The following SPMIP3 variants were observed in gnomAD, a reference collection of about 807,000 sequenced individuals.
The protein encoded by SPMIP3 is sperm microtubule inner protein 3, also known as protein SPMIP3.
At chr1:244,355,007 G>A in the SPMIP3 span, among the ~76,000 whole-genome samples, 4 of 152,172 alleles carry the variant, frequency 2.6e-5, no homozygotes, top group African/African-American at 4.8e-5. Flanking sequence ...GCGAAATCAC[G>A]TGTCTTTTGC....
chr1:244,369,319 T>G, the SPMIP3 span, among the ~76,000 whole-genome samples: 2 of 152,342 alleles, frequency 1.3e-5, no homozygotes, highest in East Asian at 3.9e-4. Context: ...CAGTGTGTTG[T>G]AGAAGATCGA....
chr1:244,353,314 G>A, the SPMIP3 span, among the ~76,000 whole-genome samples: 3 of 152,166 alleles, frequency 2.0e-5, no homozygotes, highest in African/African-American at 7.2e-5. Context: ...GGAGGCCGAG[G>A]TGGGAGAATC....
the SPMIP3 span, among the ~76,000 whole-genome samples, chr1:244,381,135 C>G: frequency 6.6e-6 from 1 of 151,560 alleles, no homozygotes; most frequent in Non-Finnish European, 1.5e-5. Context: ...TAGCTTGACA[C>G]GGGTTAGGGC....
chr1:244,358,122 C>A, the SPMIP3 span, among the ~76,000 whole-genome samples: 2 of 151,786 alleles, frequency 1.3e-5, no homozygotes, highest in Non-Finnish European at 2.9e-5. Flanking sequence ...CCCAGCTGCT[C>A]GGGAGGCTAA....
At chr1:244,360,554 ACACATGCATG>A in the SPMIP3 span, among the ~76,000 whole-genome samples, 23,562 of 69,856 alleles carry the variant, frequency 0.34, 2,865 homozygotes, top group Admixed American at 0.48. Context: ...ACACACACAC[ACACATGCATG>A]CATGGAATAT....
the SPMIP3 span, among the ~76,000 whole-genome samples, chr1:244,388,176 G>A: frequency 2.0e-5 from 3 of 151,856 alleles, no homozygotes; most frequent in Non-Finnish European, 2.9e-5. Flanking sequence ...TGATCCACCC[G>A]CCTCGGCCTC....
the SPMIP3 span, among the ~76,000 whole-genome samples, chr1:244,370,150 G>T: frequency 6.6e-6 from 1 of 152,170 alleles, no homozygotes; most frequent in East Asian, 1.9e-4. Flanking sequence ...TCCATCTCCT[G>T]TATCAATACC....
chr1:244,388,633 T>C, the SPMIP3 span, among the ~76,000 whole-genome samples: 1 of 152,168 alleles, frequency 6.6e-6, no homozygotes, highest in African/African-American at 2.4e-5. Flanking sequence ...TGAGTACAAT[T>C]TGATACAAAA....
chr1:244,383,743 C>T, the SPMIP3 span, among the ~76,000 whole-genome samples: 7 of 151,948 alleles, frequency 4.6e-5, no homozygotes, highest in East Asian at 1.9e-4. Flanking sequence ...GTTTGAGGAA[C>T]TAAAAACAAT....
At chr1:244,359,787 C>T in the SPMIP3 span, among the ~76,000 whole-genome samples, 4 of 151,830 alleles carry the variant, frequency 2.6e-5, no homozygotes, top group Admixed American at 2.0e-4. Flanking sequence ...CAAAAGAAGA[C>T]ACATAAATGG....
the SPMIP3 span, among the ~76,000 whole-genome samples, chr1:244,367,617 G>C: frequency 6.6e-6 from 1 of 152,178 alleles, no homozygotes; most frequent in Non-Finnish European, 1.5e-5. Context: ...CGGCTCGGAG[G>C]ACAAGCCCCA....
the SPMIP3 span, among the ~76,000 whole-genome samples, chr1:244,384,042 A>G: frequency 1.3e-5 from 2 of 152,180 alleles, no homozygotes; most frequent in Non-Finnish European, 2.9e-5. Context: ...CCATGTAACC[A>G]AACACCATCT....
the SPMIP3 span, among the ~76,000 whole-genome samples, chr1:244,379,990 C>A: frequency 6.6e-6 from 1 of 151,656 alleles, no homozygotes; most frequent in Admixed American, 6.6e-5. Flanking sequence ...CTGAAAGGGA[C>A]TGAGGCTCCC....
At chr1:244,389,259 G>A in the SPMIP3 span, 2 of 448,154 alleles carry the variant, frequency 4.5e-6, no homozygotes, top group Non-Finnish European at 8.1e-6. Flanking sequence ...CTATCCTTAA[G>A]AGAACTTGAA....
At chr1:244,378,587 G>A in the SPMIP3 span, 3 of 1,614,136 alleles carry the variant, frequency 1.9e-6, no homozygotes, top group Non-Finnish European at 1.7e-6. Flanking sequence ...CCGAGCCATG[G>A]TATAAAGAAA....
the SPMIP3 span, among the ~76,000 whole-genome samples, chr1:244,374,211 T>C: frequency 2.6e-5 from 4 of 152,140 alleles, no homozygotes; most frequent in African/African-American, 9.7e-5. Context: ...TCAGCCCCGT[T>C]GTATTCCACT....
chr1:244,388,054 A>C, the SPMIP3 span, among the ~76,000 whole-genome samples: 1 of 151,640 alleles, frequency 6.6e-6, no homozygotes, highest in African/African-American at 2.4e-5. Flanking sequence ...CACCTTACCG[A>C]GTAGCTGGGA....
At chr1:244,388,393 C>T in the SPMIP3 span, among the ~76,000 whole-genome samples, 1 of 145,652 alleles carries the variant, frequency 6.9e-6, no homozygotes, top group African/African-American at 2.5e-5. Flanking sequence ...TCCCCCCAGA[C>T]GTACTCTCTA....
the SPMIP3 span, among the ~76,000 whole-genome samples, chr1:244,382,478 C>T: frequency 2.0e-5 from 3 of 151,750 alleles, no homozygotes; most frequent in African/African-American, 4.8e-5. Flanking sequence ...TGGTGGGTAA[C>T]GAGTGAGAGT....
Sources: gnomAD v4.1 joint callset for allele counts (sites outside exome capture counted in the v4.1 genomes callset) on GRCh38, gnomAD v4.1.1 for gene constraint, MANE v1.5 for transcripts, NCBI Gene and HGNC (gene_info 2026-07-23, HGNC 2026-07-21) for gene names.